Variants in CADM1 observed in about 807,000 individuals in gnomAD.
CADM1 encodes cell adhesion molecule 1.
A neutral mutation model predicts 53.1 loss-of-function variants in CADM1; 15 were observed. That is an observed-to-expected ratio of 0.28 (90% CI 0.19 to 0.44). CADM1 has a LOEUF of 0.44. Ranked by LOEUF, CADM1 falls within the 20% of genes least tolerant of loss-of-function variation. The pLI, the probability that CADM1 is intolerant of heterozygous loss-of-function variation, is 1.00. For missense variants in CADM1, 434 were observed against 611.3 expected, an observed-to-expected ratio of 0.71 and a Z score of 3.06; for synonymous variants, 281 against 243.0, an observed-to-expected ratio of 1.16 and a Z score of -1.45.
At chr11:115,306,542 A>C (rs1473630514) in intron 1 of CADM1, among the ~76,000 whole-genome samples, 2 of 152,016 alleles carry the variant, frequency 1.3e-5, no homozygotes, top group Non-Finnish European at 2.9e-5. Flanking sequence ...AATTTTTCAT[A>C]GTCATTGGTA....
chr11:115,226,701 A>G (rs999497903), intron 5 of CADM1, among the ~76,000 whole-genome samples: 10 of 152,224 alleles, frequency 6.6e-5, no homozygotes, highest in Admixed American at 2.6e-4. Flanking sequence ...TGAGCCATCA[A>G]CAGCACTGGG....
At chr11:115,494,709 A>G (rs1460912) in intron 1 of CADM1, among the ~76,000 whole-genome samples, 1 of 152,302 alleles carries the variant, frequency 6.6e-6, no homozygotes, top group East Asian at 1.9e-4. Context: ...TATTAGCAGT[A>G]GCCAGAGAAA....
At chr11:115,441,954 G>C (rs1486447075) in intron 1 of CADM1, among the ~76,000 whole-genome samples, 1 of 152,046 alleles carries the variant, frequency 6.6e-6, no homozygotes, top group Non-Finnish European at 1.5e-5. Flanking sequence ...ATTGAGGACT[G>C]GGCATTGTAC....
intron 5 of CADM1, among the ~76,000 whole-genome samples, chr11:115,220,296 CT>C (rs1229872060): frequency 6.6e-6 from 1 of 152,172 alleles, no homozygotes; most frequent in Non-Finnish European, 1.5e-5. Context: ...CACCCTGCTT[CT>C]TCAGTACCAC....
intron 1 of CADM1, among the ~76,000 whole-genome samples, chr11:115,400,479 G>A (rs1489389149): frequency 6.7e-6 from 1 of 148,278 alleles, no homozygotes; most frequent in Non-Finnish European, 1.5e-5. Flanking sequence ...GACAGCCAAT[G>A]GAAAAAAATT....
At chr11:115,475,222 TTATAC>T (rs1303895488) in intron 1 of CADM1, among the ~76,000 whole-genome samples, 2 of 152,210 alleles carry the variant, frequency 1.3e-5, no homozygotes, top group Non-Finnish European at 2.9e-5. Context: ...TATATAGTTG[TTATAC>T]TATATTTTTT....
At chr11:115,179,938 G>T (rs1331435623) in intron 10 of CADM1, among the ~76,000 whole-genome samples, 1 of 152,220 alleles carries the variant, frequency 6.6e-6, no homozygotes, top group East Asian at 1.9e-4. Flanking sequence ...ATGCCTAAGA[G>T]AAATGCATTT....
chr11:115,308,211 T>TACACAC (rs1555061188), intron 1 of CADM1, among the ~76,000 whole-genome samples: 2 of 139,384 alleles, frequency 1.4e-5, no homozygotes, highest in African/African-American at 2.7e-5. Flanking sequence ...TATATATATA[T>TACACAC]ACACACCTAT....
intron 1 of CADM1, among the ~76,000 whole-genome samples, chr11:115,492,502 T>C (rs997127706): frequency 2.6e-5 from 4 of 152,184 alleles, no homozygotes; most frequent in Non-Finnish European, 5.9e-5. Flanking sequence ...GTATACCTAT[T>C]GATACATAAC....
chr11:115,386,453 T>C (rs1480838568), intron 1 of CADM1, among the ~76,000 whole-genome samples: 1 of 152,232 alleles, frequency 6.6e-6, no homozygotes, highest in Non-Finnish European at 1.5e-5. Context: ...AGAAAAGGAA[T>C]TAATTTCTTA....
chr11:115,193,307 G>A (rs1005506647), intron 9 of CADM1, among the ~76,000 whole-genome samples: 16 of 152,138 alleles, frequency 1.1e-4, no homozygotes, highest in African/African-American at 3.9e-4. Flanking sequence ...TAATTAAAAT[G>A]TATTCAACAT....
At chr11:115,473,658 G>T (rs914026139) in intron 1 of CADM1, among the ~76,000 whole-genome samples, 3 of 152,072 alleles carry the variant, frequency 2.0e-5, no homozygotes, top group Non-Finnish European at 4.4e-5. Flanking sequence ...AAATTTCAAT[G>T]TATACCTAAT....
chr11:115,230,296 C>T (rs1490939105), intron 4 of CADM1, among the ~76,000 whole-genome samples: 1 of 152,166 alleles, frequency 6.6e-6, no homozygotes, highest in African/African-American at 2.4e-5. Flanking sequence ...ATTTAACAAG[C>T]ACATATACAG....
intron 1 of CADM1, among the ~76,000 whole-genome samples, chr11:115,444,910 T>C: frequency 6.6e-6 from 1 of 152,206 alleles, no homozygotes. Context: ...AGTTTGTTGT[T>C]GCTGTGACAT....
At position 115,300,300 on chromosome 11, in the gene CADM1, A is replaced by G. The variant is rs139808047; in HGVS notation, c.125-59880T>C. On this transcript the variant is annotated intron_variant, in intron 1 of 11. Transcript: ENST00000331581. ...CTCTTAATCATGAATGGTAACTACA[A>G]ATAGAAGATAGAAACTCTTTTCTTG... Among the ~76,000 whole-genome samples, 546 of 152,236 alleles carry G rather than the reference A, an allele frequency of 3.6e-3. 2 individuals are homozygous for G. Among genetic ancestry groups the G allele is most frequent in the Non-Finnish European group, 6.5e-3 (443 of 67,972 alleles).
intron 1 of CADM1, among the ~76,000 whole-genome samples, chr11:115,300,346 T>C (rs914090193): frequency 6.6e-6 from 1 of 152,116 alleles, no homozygotes; most frequent in East Asian, 1.9e-4. Context: ...TTTAAATACA[T>C]CCTCACTTTA....
At chr11:115,252,542 A>G (rs887066512) in intron 1 of CADM1, among the ~76,000 whole-genome samples, 10 of 152,246 alleles carry the variant, frequency 6.6e-5, no homozygotes, top group African/African-American at 2.2e-4. Context: ...TATGAAACAT[A>G]TAAGGTAAAT....
rs1188955199 is a variant in CADM1, at chr11:115,198,431, C to T, written c.1086G>A (p.Thr362=). ...TTILTIITDT[T]ATTEPAVHGL... ...CGTGAACTGCTGGTTCTGTCGTCGC[C>T]GTTGTGTCTACAGACGGGAACAGAG... is the stretch of plus-strand genomic sequence containing the variant. The change falls in exon 9 of 12, where the codon ACG becomes ACA. Residue 362 remains threonine (T), a synonymous_variant. Coordinates refer to ENST00000331581, the MANE Select transcript of CADM1 (RefSeq NM_001301043.2). 7 of 1,595,430 alleles carry T rather than the reference C, an allele frequency of 4.4e-6. No individual in the cohort carries two copies. The highest frequency in any genetic ancestry group is 2.2e-5 in the East Asian group (1 of 44,818).
intron 3 of CADM1, among the ~76,000 whole-genome samples, chr11:115,235,144 T>C (rs1030120736): frequency 1.3e-5 from 2 of 151,300 alleles, no homozygotes; most frequent in Admixed American, 1.3e-4. Flanking sequence ...AGTTTATTGA[T>C]ATGTTACAAA....
Sources: gnomAD v4.1 joint callset for allele counts (sites outside exome capture counted in the v4.1 genomes callset) on GRCh38, gnomAD v4.1.1 for gene constraint, MANE v1.5 for transcripts, NCBI Gene and HGNC (gene_info 2026-07-23, HGNC 2026-07-21) for gene names.